The following MLLT3 variants were observed in gnomAD, a reference collection of about 807,000 sequenced individuals.
The protein encoded by MLLT3 is MLLT3 super elongation complex subunit.
A neutral mutation model predicts 53.2 loss-of-function variants in MLLT3; 4 were observed. The observed-to-expected ratio is 0.08, with a 90% CI of 0.04 to 0.17. The LOEUF is 0.17. Ranked by LOEUF, MLLT3 falls within the 10% of genes least tolerant of loss-of-function variation. The pLI is 1.00. For synonymous variants in MLLT3, 283 were observed against 230.6 expected (o/e 1.23, Z -2.06); for missense variants, 569 against 684.0 (o/e 0.83, Z 1.87).
At chr9:20,622,224 A>T (rs1410073437) in intron 1 of MLLT3, 21 bp downstream of exon 1, 1 of 1,600,182 alleles carries the variant, frequency 6.2e-7, no homozygotes. Flanking sequence ...GGCTTTTATT[A>T]TTATTTTTGC....
chr9:20,346,471 C>T lies in MLLT3; in HGVS notation c.1679G>A (p.Ser560Asn). ...GGATGTTCCAGATGTTTCCAGGTAA[C>T]TCTGTAGTTTACGGACTGTGGTTTT... ...LDKTTVRKLQSYLETSGTS is the reference protein window; with the variant it reads ...LDKTTVRKLQNYLETSGTS Residue 560 changes from serine (S) to asparagine (N), a missense_variant, in exon 11 of 11, where the codon AGT (serine) becomes AAT (asparagine). By Grantham distance (46) the Ser-to-Asn change is conservative. This residue lies in a region of MLLT3 where 45 missense variants were observed against 85.5 expected (regional missense o/e 0.53). Coordinates refer to ENST00000380338, the MANE Select transcript of MLLT3 (RefSeq NM_004529.4). The T allele has an allele frequency of 6.2e-7, 1 of 1,610,582 alleles. No individual in the cohort carries two copies. The highest frequency in any genetic ancestry group is 8.5e-7 in the Non-Finnish European group (1 of 1,178,470).
rs573467278 is a variant in MLLT3, at chr9:20,485,204, G to A, written c.194-28418C>T. Among the ~76,000 whole-genome samples, 62 of 152,172 alleles carry A rather than the reference G, an allele frequency of 4.1e-4. 2 individuals carry two copies. The South Asian group carries it at 0.012, about 31-fold the overall frequency. ...GGGTTTCACCATGTTAGGCACGCTG[G>A]TCTTGAGCTCCTGACCTCAGGTGAT... is the stretch of plus-strand genomic sequence containing the variant. On this transcript the variant is annotated intron_variant, in intron 2 of 10. Transcript: ENST00000380338.
intron 2 of MLLT3, among the ~76,000 whole-genome samples, chr9:20,501,478 A>G (rs10733368): frequency 0.7 from 106,316 of 151,966 alleles, 37,636 homozygotes; most frequent in East Asian, 0.81. Context: ...CCGGCCGGGC[A>G]CGGTGGCTCA....
chr9:20,476,126 A>C (rs1305313646), intron 2 of MLLT3, among the ~76,000 whole-genome samples: 2 of 151,998 alleles, frequency 1.3e-5, no homozygotes, highest in African/African-American at 2.4e-5. Context: ...GCAGTCACGC[A>C]ATCATAGTTC....
chr9:20,420,743 C>T (rs1016955191), intron 4 of MLLT3, among the ~76,000 whole-genome samples: 3 of 151,932 alleles, frequency 2.0e-5, no homozygotes, highest in Admixed American at 1.3e-4. Context: ...ATGTGCACAA[C>T]GCGCAGGTTT....
At position 20,363,536 on chromosome 9, in the gene MLLT3, T is replaced by A. The variant is rs751039580; in HGVS notation, c.1271A>T (p.Asp424Val). The A allele has an allele frequency of 1.2e-6, 2 of 1,614,134 alleles. No individual in the cohort carries two copies. The highest frequency in any genetic ancestry group is 2.2e-5 in the East Asian group (1 of 44,888). ...DNEEESDEVE[D>V]NDNDSEMERP... is the part of the protein sequence containing the mutation. ...CTCCATTTCAGAGTCATTGTCGTTA[T>A]CCTCCACTTCATCTGATTCCTCCTC... The change falls in exon 7 of 11, where the codon GAT (aspartate) becomes GTT (valine). Residue 424 changes from aspartate (D) to valine (V), a missense_variant. Physicochemically the swap from Asp to Val is radical, Grantham distance 152 (BLOSUM62 -3). Around this residue, in one of 5 missense-constraint regions of MLLT3, gnomAD observed 437 missense variants for 376.5 expected, o/e 1.16. Transcript: ENST00000380338.
At chr9:20,459,422 C>G (rs1285725079) in intron 2 of MLLT3, among the ~76,000 whole-genome samples, 1 of 152,136 alleles carries the variant, frequency 6.6e-6, no homozygotes, top group Non-Finnish European at 1.5e-5. Context: ...TCTCACTAAA[C>G]GCATTGAGCA....
intron 2 of MLLT3, among the ~76,000 whole-genome samples, chr9:20,523,423 T>A (rs1329714460): frequency 6.6e-6 from 1 of 152,214 alleles, no homozygotes; most frequent in African/African-American, 2.4e-5. Flanking sequence ...TACACATGGA[T>A]GTTTATATCA....
At chr9:20,407,887 T>A (rs1277716708) in intron 5 of MLLT3, among the ~76,000 whole-genome samples, 1 of 152,186 alleles carries the variant, frequency 6.6e-6, no homozygotes, top group African/African-American at 2.4e-5. Flanking sequence ...CTATAAGGCA[T>A]CTCTGTGGTA....
chr9:20,489,284 C>A (rs1166195445), intron 2 of MLLT3, among the ~76,000 whole-genome samples: 1 of 152,136 alleles, frequency 6.6e-6, no homozygotes, highest in Non-Finnish European at 1.5e-5. Flanking sequence ...TTTTTTATAT[C>A]TACAGAGGCA....
chr9:20,448,006 T>C lies in MLLT3; in HGVS notation c.420+117A>G. 3 of 1,138,986 alleles carry C rather than the reference T, an allele frequency of 2.6e-6. No individual in the cohort carries two copies. Among genetic ancestry groups the C allele is most frequent in the Non-Finnish European group, 3.7e-6 (3 of 806,838 alleles). 70.6% of individuals were successfully genotyped at this position (1,138,986 alleles called of 1,614,324 possible). On this transcript the variant is annotated intron_variant, in intron 4 of 10. Coordinates refer to ENST00000380338, the MANE Select transcript of MLLT3 (RefSeq NM_004529.4). The surrounding 1 kb of genome is among the most constrained non-coding windows in gnomAD (Gnocchi z 4.0). The stretch of plus-strand genomic sequence containing the variant: ...CTAAGCCATTAAGGTACATCATTTC[T>C]TTTACCTCTCCCAAAACCTTATACT...
intron 2 of MLLT3, among the ~76,000 whole-genome samples, chr9:20,480,621 C>T (rs577432364): frequency 6.6e-6 from 1 of 152,210 alleles, no homozygotes; most frequent in African/African-American, 2.4e-5. Flanking sequence ...GAGCTAGGCA[C>T]TTCAGAGCAA....
At chr9:20,614,123 G>A (rs867829600) in intron 2 of MLLT3, among the ~76,000 whole-genome samples, 4 of 152,138 alleles carry the variant, frequency 2.6e-5, no homozygotes, top group African/African-American at 7.2e-5. Flanking sequence ...GGCCGGGCGC[G>A]GTGCCTCATG....
intron 5 of MLLT3, among the ~76,000 whole-genome samples, chr9:20,377,014 T>C (rs1821783086): frequency 1.3e-5 from 2 of 152,192 alleles, no homozygotes; most frequent in Admixed American, 6.5e-5. Flanking sequence ...GCCAAAGACA[T>C]ATGTTTTAGC....
At chr9:20,612,611 T>C (rs1273312409) in intron 2 of MLLT3, among the ~76,000 whole-genome samples, 1 of 150,852 alleles carries the variant, frequency 6.6e-6, no homozygotes, top group Non-Finnish European at 1.5e-5. Context: ...AACAAGAAAA[T>C]GACAAGCAAC....
rs749239229 is a variant in MLLT3 at position 20,414,345 on chromosome 9, ACTGCTGCTGCTG to A, written c.489_500del (p.Ser187_Ser190del). 18 of 1,493,368 alleles carry A rather than the reference ACTGCTGCTGCTG, an allele frequency of 1.2e-5. No homozygotes were observed. The highest frequency in any genetic ancestry group is 4.7e-5 in the South Asian group (4 of 85,420). The allele number at this position is 1,493,368 out of a possible 1,614,324, so 92.5% of individuals were successfully genotyped here. On this transcript the variant is annotated inframe_deletion, in exon 5 of 11. Coordinates refer to ENST00000380338, the MANE Select transcript of MLLT3 (RefSeq NM_004529.4). ...TGCTGCTGCTGCTGCTGCTGCTGCT[ACTGCTGCTGCTG>A]CTGCTGCTGCTGCTGCTGCTACTGC... is the stretch of plus-strand genomic sequence containing the variant.
At chr9:20,496,864 AT>A (rs1344102444) in intron 2 of MLLT3, among the ~76,000 whole-genome samples, 2 of 152,190 alleles carry the variant, frequency 1.3e-5, no homozygotes. Context: ...TATACAGATG[AT>A]AGGTACACTG....
chr9:20,573,183 G>GTT (rs1475878858), intron 2 of MLLT3, among the ~76,000 whole-genome samples: 3 of 65,884 alleles, frequency 4.6e-5, no homozygotes, highest in African/African-American at 8.9e-5. Context: ...GTTTTTTTTT[G>GTT]TTTTGTTTTT....
rs1820868635 is a variant in MLLT3, at chr9:20,346,379, C to CAAAAAAAAAAAAAACCAAAAAA, written c.*42_*63dup. 3.5e-6 allele frequency: 3 copies of CAAAAAAAAAAAAAACCAAAAAA among 850,144 alleles called. No individual in the cohort carries two copies. The highest frequency in any genetic ancestry group is 2.8e-5 in the African/African-American group (1 of 35,616). The allele number at this position is 850,144 out of a possible 1,614,324, so 52.7% of individuals were successfully genotyped here. On this transcript the variant is annotated 3_prime_UTR_variant, in exon 11 of 11. Coordinates refer to ENST00000380338, the MANE Select transcript of MLLT3 (RefSeq NM_004529.4). ...AACAACAAGAACAAAAAATCACAAC[C>CAAAAAAAAAAAAAACCAAAAAA]AAAAAAAAAAAAAACCAAAAAAAAA...
Sources: gnomAD v4.1 joint callset for allele counts (sites outside exome capture counted in the v4.1 genomes callset) on GRCh38, gnomAD v4.1.1 for gene constraint, gnomAD v4.1.1 regional missense constraint, Gnocchi (gnomAD v3.1) non-coding constraint, MANE v1.5 for transcripts, NCBI Gene and HGNC (gene_info 2026-07-23, HGNC 2026-07-21) for gene names.